CCSER1: variants seen among roughly 807,000 people sequenced by gnomAD.
CCSER1 encodes the protein serine-rich coiled-coil domain-containing protein 1.
Under a neutral mutation model 82.0 loss-of-function variants are expected in CCSER1, and 41 were observed. The ratio of observed to expected loss-of-function variants is 0.50; its 90% CI spans 0.39 to 0.65. The LOEUF (loss-of-function observed/expected upper bound fraction) is 0.65, where lower values mean the gene tolerates loss of function less well. Among genes scored for constraint, CCSER1 ranks in the 30% least tolerant of loss-of-function variants. The pLI is 0.00. For missense variants in CCSER1, 1,119 were observed against 1,064.2 expected (o/e 1.05, Z -0.72); for synonymous variants, 414 against 383.9 (o/e 1.08, Z -0.92).
At chr4:91,562,246 G>A (rs1285104829) in intron 10 of CCSER1, among the ~76,000 whole-genome samples, 1 of 151,426 alleles carries the variant, frequency 6.6e-6, no homozygotes, top group Non-Finnish European at 1.5e-5. Context: ...ACATATTGAA[G>A]TGTTTTTTTT....
chr4:91,335,680 G>A (rs1157203338), intron 10 of CCSER1, among the ~76,000 whole-genome samples: 1 of 151,992 alleles, frequency 6.6e-6, no homozygotes, highest in Non-Finnish European at 1.5e-5. Context: ...ATGTTTTATA[G>A]GAAAAGTCAG....
chr4:90,786,649 G>GA (rs1450196439), intron 7 of CCSER1, among the ~76,000 whole-genome samples: 1 of 152,132 alleles, frequency 6.6e-6, no homozygotes, highest in Non-Finnish European at 1.5e-5. Flanking sequence ...TTTGTGTACA[G>GA]AAAATCTCTC....
At chr4:90,836,027 C>A (rs1761763287) in intron 8 of CCSER1, among the ~76,000 whole-genome samples, 1 of 152,184 alleles carries the variant, frequency 6.6e-6, no homozygotes, top group Non-Finnish European at 1.5e-5. Flanking sequence ...GGAAAACATT[C>A]TCATTTTGGT....
chr4:91,086,302 C>G (rs1723387619), intron 10 of CCSER1, among the ~76,000 whole-genome samples: 1 of 152,042 alleles, frequency 6.6e-6, no homozygotes, highest in Admixed American at 6.6e-5. Context: ...AGAAACATTA[C>G]AATGCAATTT....
intron 10 of CCSER1, among the ~76,000 whole-genome samples, chr4:91,401,739 G>C (rs1050086325): frequency 1.2e-4 from 18 of 151,920 alleles, no homozygotes; most frequent in African/African-American, 4.4e-4. Context: ...TCATCCTTTT[G>C]TATGGCTGCA....
intron 6 of CCSER1, among the ~76,000 whole-genome samples, chr4:90,665,096 T>C (rs1731483887): frequency 6.6e-6 from 1 of 152,120 alleles, no homozygotes; most frequent in Non-Finnish European, 1.5e-5. Context: ...TACATTATTA[T>C]CCAGTACAAT....
intron 6 of CCSER1, among the ~76,000 whole-genome samples, chr4:90,682,635 G>A (rs1351975280): frequency 1.3e-5 from 2 of 151,802 alleles, no homozygotes; most frequent in Non-Finnish European, 2.9e-5. Context: ...CACTAACCAA[G>A]GATAATGGGA....
At chr4:90,888,356 G>A (rs988032583) in intron 8 of CCSER1, among the ~76,000 whole-genome samples, 82 of 151,872 alleles carry the variant, frequency 5.4e-4, no homozygotes, top group African/African-American at 1.8e-3. Flanking sequence ...CTTTAATATC[G>A]AGTACCCTTC....
intron 10 of CCSER1, among the ~76,000 whole-genome samples, chr4:91,447,726 T>G (rs1755647150): frequency 6.6e-6 from 1 of 152,102 alleles, no homozygotes; most frequent in Non-Finnish European, 1.5e-5. Flanking sequence ...CAGCCCCATT[T>G]TTGTTTAATT....
At chr4:91,110,195 TAA>T (rs948044019) in intron 10 of CCSER1, among the ~76,000 whole-genome samples, 1 of 151,372 alleles carries the variant, frequency 6.6e-6, no homozygotes, top group Non-Finnish European at 1.5e-5. Flanking sequence ...AAATGGAATT[TAA>T]AAAAAAATTA....
chr4:90,402,572 A>G (rs1384408963), intron 4 of CCSER1, among the ~76,000 whole-genome samples: 1 of 152,202 alleles, frequency 6.6e-6, no homozygotes, highest in African/African-American at 2.4e-5. Context: ...AAGTTCATGA[A>G]TTAATTATAA....
intron 10 of CCSER1, among the ~76,000 whole-genome samples, chr4:91,174,286 T>G (rs972769944): frequency 6.6e-6 from 1 of 152,050 alleles, no homozygotes; most frequent in Non-Finnish European, 1.5e-5. Context: ...TTTAAGACAT[T>G]TATTTTGTAT....
At chr4:90,192,227 C>T (rs1578411941) in intron 1 of CCSER1, among the ~76,000 whole-genome samples, 1 of 151,964 alleles carries the variant, frequency 6.6e-6, no homozygotes, top group East Asian at 1.9e-4. Context: ...AAAACTCCCC[C>T]TTACAGTAGC....
intron 4 of CCSER1, among the ~76,000 whole-genome samples, chr4:90,409,841 A>G (rs1051266494): frequency 6.6e-6 from 1 of 152,206 alleles, no homozygotes; most frequent in Admixed American, 6.5e-5. Flanking sequence ...CTAGCAAATC[A>G]GATAAAGAGT....
intron 9 of CCSER1, among the ~76,000 whole-genome samples, chr4:91,003,154 G>T (rs553226345): frequency 6.6e-6 from 1 of 152,300 alleles, no homozygotes; most frequent in African/African-American, 2.4e-5. Context: ...GGAGGTGGCA[G>T]GGGGGTGAAA....
intron 10 of CCSER1, among the ~76,000 whole-genome samples, chr4:91,360,278 A>G (rs947360432): frequency 6.6e-6 from 1 of 151,788 alleles, no homozygotes; most frequent in African/African-American, 2.4e-5. Context: ...TGGTAAACAC[A>G]TGATTGCATA....
intron 9 of CCSER1, among the ~76,000 whole-genome samples, chr4:90,961,623 C>A (rs1006150394): frequency 6.6e-6 from 1 of 151,978 alleles, no homozygotes; most frequent in Admixed American, 6.6e-5. Context: ...ATAGATTTTA[C>A]AAATTTGGCT....
At chr4:90,725,240 C>A (rs1743429514) in intron 7 of CCSER1, among the ~76,000 whole-genome samples, 1 of 151,488 alleles carries the variant, frequency 6.6e-6, no homozygotes, top group African/African-American at 2.4e-5. Context: ...CGCCAGAAAC[C>A]ATTTTTTCTT....
chr4:90,509,271 T>C (rs1334020503), intron 5 of CCSER1, among the ~76,000 whole-genome samples: 1 of 152,126 alleles, frequency 6.6e-6, no homozygotes, highest in Middle Eastern at 3.2e-3. Flanking sequence ...TTTTAGAAGG[T>C]TTAGACATAT....
Sources: allele counts gnomAD v4.1 joint callset (sites outside exome capture counted in the v4.1 genomes callset), GRCh38; gene constraint gnomAD v4.1.1; transcripts MANE v1.5; gene names NCBI Gene and HGNC (gene_info 2026-07-23, HGNC 2026-07-21).